Variants in YAP1 observed in about 807,000 individuals in gnomAD.
YAP1 encodes the protein Yes1 associated transcriptional regulator.
In YAP1, 5 loss-of-function variants were observed where a neutral mutation model predicts 56.9. The ratio of observed to expected loss-of-function variants is 0.09; its 90% CI spans 0.05 to 0.18. The LOEUF (loss-of-function observed/expected upper bound fraction) is 0.18, where lower values mean the gene tolerates loss of function less well. Ranked by LOEUF, YAP1 falls within the 10% of genes least tolerant of loss-of-function variation. YAP1 has a pLI of 1.00. For synonymous variants in YAP1, 265 were observed against 248.1 expected, an observed-to-expected ratio of 1.07 and a Z score of -0.64; for missense variants, 539 against 651.8, an observed-to-expected ratio of 0.83 and a Z score of 1.88.
At chr11:102,176,776 A>AAAAAAAAAAAAAAT (rs1947284993) in intron 3 of YAP1, among the ~76,000 whole-genome samples, 1 of 137,424 alleles carries the variant, frequency 7.3e-6, no homozygotes, top group Non-Finnish European at 1.6e-5. Context: ...AAAAAAAAAA[A>AAAAAAAAAAAAAAT]GAGTAGAATT....
intron 2 of YAP1, among the ~76,000 whole-genome samples, chr11:102,140,146 G>A (rs929412969): frequency 2.0e-5 from 3 of 151,352 alleles, no homozygotes; most frequent in African/African-American, 7.3e-5. Context: ...TAGTCTGATA[G>A]TGTAAAAAAA....
chr11:102,164,673 A>C (rs1463616922), intron 3 of YAP1, among the ~76,000 whole-genome samples: 6 of 152,102 alleles, frequency 3.9e-5, no homozygotes, highest in Admixed American at 2.0e-4. Context: ...TTTCGGCTGA[A>C]ATTTATGCTT....
At chr11:102,112,760 C>T in intron 1 of YAP1, 1 of 985,322 alleles carries the variant, frequency 1.0e-6, no homozygotes, top group Middle Eastern at 5.2e-4. Flanking sequence ...GCTTTTTTCT[C>T]TTACCCCTCG....
At chr11:102,135,184 A>G (rs943791356) in intron 2 of YAP1, among the ~76,000 whole-genome samples, 1 of 151,944 alleles carries the variant, frequency 6.6e-6, no homozygotes, top group Non-Finnish European at 1.5e-5. Flanking sequence ...TTTTGTAGAG[A>G]TGGTGTCTCA....
intron 2 of YAP1, among the ~76,000 whole-genome samples, chr11:102,141,111 G>C (rs895831811): frequency 6.6e-6 from 1 of 152,098 alleles, no homozygotes; most frequent in Non-Finnish European, 1.5e-5. Context: ...TTCAGCTCAG[G>C]TGTTAATTCC....
Position 102,111,114 on chromosome 11 carries a change from G to A in YAP1, c.266G>A (p.Arg89Gln). The A allele has an allele frequency of 6.2e-7, 1 of 1,613,378 alleles. No individual in the cohort carries two copies. The highest frequency in any genetic ancestry group is 8.5e-7 in the Non-Finnish European group (1 of 1,179,874). ...NVPQTVPMRL[R>Q]KLPDSFFKPP... The stretch of plus-strand genomic sequence containing the variant: ...CCCCAGACCGTGCCCATGAGGCTCC[G>A]GAAGCTGCCCGACTCCTTCTTCAAG... The change falls in exon 1 of 9, where the codon CGG becomes CAG. Residue 89 changes from arginine (R) to glutamine (Q), a missense_variant. By Grantham distance (43) the Arg-to-Gln change is conservative. This residue lies in a region of YAP1 where 414 missense variants were observed against 512.4 expected (regional missense o/e 0.81). Transcript: ENST00000282441.
rs1327450554 is a variant in YAP1, at chr11:102,209,517, G to A, written c.985G>A (p.Ala329Thr). 1.2e-6 allele frequency: 2 copies of A among 1,605,750 alleles called. No homozygotes were observed. Among genetic ancestry groups the A allele is most frequent in the East Asian group, 2.2e-5 (1 of 44,504 alleles). Residue 329 changes from alanine (A) to threonine (T), a missense_variant and splice_region_variant, in exon 6 of 9, where the codon GCA becomes ACA. Ala to Thr is a moderately conservative substitution (Grantham distance 58). Transcript: ENST00000282441. ...TATCCGTCTTATTTTTTACTCTTAG[G>A]CAATGCGGAATATCAATCCCAGCAC... ...RLKQQELLRQ[A>T]MRNINPSTAN... is the part of the protein sequence containing the mutation.
chr11:102,133,540 G>T (rs2135245252), intron 2 of YAP1, among the ~76,000 whole-genome samples: 1 of 152,278 alleles, frequency 6.6e-6, no homozygotes, highest in South Asian at 2.1e-4. Flanking sequence ...CAAGTGATCT[G>T]CCTGTCTTGG....
At chr11:102,122,665 G>C (rs745873620) in intron 2 of YAP1, among the ~76,000 whole-genome samples, 1 of 151,806 alleles carries the variant, frequency 6.6e-6, no homozygotes, top group Non-Finnish European at 1.5e-5. Context: ...AGGCCAAGGC[G>C]GGCGGATCAC....
At chr11:102,147,297 A>G (rs1435311107) in intron 2 of YAP1, among the ~76,000 whole-genome samples, 1 of 152,216 alleles carries the variant, frequency 6.6e-6, no homozygotes, top group Non-Finnish European at 1.5e-5. Context: ...GTAGTATGCC[A>G]GAACACTCCA....
chr11:102,222,651 G>A (rs2135698063), intron 6 of YAP1, among the ~76,000 whole-genome samples: 1 of 152,276 alleles, frequency 6.6e-6, no homozygotes, highest in East Asian at 1.9e-4. Flanking sequence ...TGTTTGTGGT[G>A]GAGAAGCCTT....
chr11:102,219,535 G>A (rs920370229), intron 6 of YAP1, among the ~76,000 whole-genome samples: 1 of 152,132 alleles, frequency 6.6e-6, no homozygotes, highest in African/African-American at 2.4e-5. Flanking sequence ...TACAATGAGT[G>A]TAGTATCACT....
In YAP1 at chr11:102,162,549, G is replaced by A; in HGVS notation, c.666G>A (p.Gln222=). 1 of 1,614,212 alleles carries A rather than the reference G, an allele frequency of 6.2e-7. No homozygotes were observed. The highest frequency in any genetic ancestry group is 8.5e-7 in the Non-Finnish European group (1 of 1,180,022). The change falls in exon 3 of 9, where the codon CAG becomes CAA. Residue 222 remains glutamine (Q), a synonymous_variant. Transcript: ENST00000282441. Reference sequence around the variant, plus strand: ...CCCCCACCAGTCCACCAGTGCAGCAGAATATGATGAACTCGGCTTCAGGTG... The same window carrying A: ...CCCCCACCAGTCCACCAGTGCAGCAAAATATGATGAACTCGGCTTCAGGTG... ...VTAPTSPPVQ[Q]NMMNSASGPL...
At chr11:102,186,814 ATGTGTGTGTGTGTG>A (rs10580018) in intron 4 of YAP1, 5 of 138,522 alleles carry the variant, frequency 3.6e-5, no homozygotes, top group Admixed American at 7.2e-5. Flanking sequence ...TTTTTAAAAA[ATGTGTGTGTGTGTG>A]TGTGTGTGTG....
At chr11:102,150,538 G>A (rs1945578196) in intron 2 of YAP1, among the ~76,000 whole-genome samples, 1 of 151,998 alleles carries the variant, frequency 6.6e-6, no homozygotes, top group Non-Finnish European at 1.5e-5. Flanking sequence ...TTATCTAATG[G>A]TTTCACCCAA....
At position 102,172,017 on chromosome 11, in the gene YAP1, C is replaced by A. The variant is rs139963598; in HGVS notation, c.688+9446C>A. Among the ~76,000 whole-genome samples, 968 of 152,012 alleles carry A rather than the reference C, an allele frequency of 6.4e-3. 14 individuals carry two copies. The highest frequency in any genetic ancestry group is 0.021 in the African/African-American group (891 of 41,456). On this transcript the variant is annotated intron_variant, in intron 3 of 8. Transcript: ENST00000282441. ...CCAGCTTGGCCAACATGGTGAAACC[C>A]CGTCTCTACTAAAAATACAAAAAGT...
chr11:102,110,916 C>G lies in YAP1; in HGVS notation c.68C>G (p.Pro23Arg). ...GGCCAAGGGCAGCCGCCTTCGCAGC[C>G]CCCGCAGGGGCAGGGCCCGCCGTCC... ...PQGQGQPPSQ[P>R]PQGQGPPSGP... Residue 23 changes from proline (P) to arginine (R), a missense_variant, in exon 1 of 9, where the codon CCC becomes CGC. Physicochemically the swap from Pro to Arg is moderately radical, Grantham distance 103. This residue lies in a region of YAP1 where 106 missense variants were observed against 86.6 expected (regional missense o/e 1.22). Transcript: ENST00000282441. The G allele has an allele frequency of 1.4e-6, 2 of 1,436,992 alleles. No individual in the cohort carries two copies. Among genetic ancestry groups the G allele is most frequent in the Non-Finnish European group, 1.8e-6 (2 of 1,095,886 alleles). 89.0% of individuals were successfully genotyped at this position (1,436,992 alleles called of 1,614,324 possible). A position where few individuals can be genotyped will look rare whatever the true frequency, so the allele number is the denominator to read the frequency against.
intron 2 of YAP1, among the ~76,000 whole-genome samples, chr11:102,116,856 A>G (rs1034501554): frequency 1.3e-5 from 2 of 152,204 alleles, no homozygotes; most frequent in Admixed American, 1.3e-4. Flanking sequence ...ATCTTGCTCA[A>G]TAAATGTAGG....
intron 3 of YAP1, among the ~76,000 whole-genome samples, chr11:102,181,447 AAAAT>A (rs529734830): frequency 2.0e-4 from 31 of 152,130 alleles, no homozygotes; most frequent in Middle Eastern, 3.4e-3. Flanking sequence ...CTCCGTCTCA[AAAAT>A]AAATAAATAA....
Sources: allele counts gnomAD v4.1 joint callset (sites outside exome capture counted in the v4.1 genomes callset), GRCh38; gene constraint gnomAD v4.1.1; regional missense constraint gnomAD v4.1.1; transcripts MANE v1.5; gene names NCBI Gene and HGNC (gene_info 2026-07-23, HGNC 2026-07-21).